TULP4: variants seen among roughly 807,000 people sequenced by gnomAD.
TULP4 encodes the protein tubby-related protein 4.
A neutral mutation model predicts 129.0 loss-of-function variants in TULP4; 16 were observed. The ratio of observed to expected loss-of-function variants is 0.12; its 90% CI spans 0.08 to 0.19. TULP4 has a LOEUF of 0.19. TULP4 is among the 10% of genes least tolerant of loss of function. The probability of loss-of-function intolerance (pLI) is 1.00; values close to 1 mark genes in which losing one functional copy is unlikely to be tolerated. For synonymous variants in TULP4, 998 were observed against 854.0 expected, an observed-to-expected ratio of 1.17 and a Z score of -2.94; for missense variants, 1,842 against 2,059.1, an observed-to-expected ratio of 0.89 and a Z score of 2.04.
At chr6:158,367,839 C>A (rs544228002) in intron 1 of TULP4, among the ~76,000 whole-genome samples, 1 of 151,636 alleles carries the variant, frequency 6.6e-6, no homozygotes, top group East Asian at 1.9e-4. Context: ...TCTGGGTTTT[C>A]CATCCAAATA....
At chr6:158,347,472 T>C (rs967039732) in intron 1 of TULP4, among the ~76,000 whole-genome samples, 6 of 152,226 alleles carry the variant, frequency 3.9e-5, no homozygotes, top group African/African-American at 1.4e-4. Context: ...ACTTTTCTTT[T>C]AGTCCACATA....
chr6:158,372,211 AAAACAAAAAC>A (rs1777089480), intron 1 of TULP4, among the ~76,000 whole-genome samples: 1 of 134,836 alleles, frequency 7.4e-6, no homozygotes, highest in African/African-American at 2.8e-5. Context: ...GACTTCAAAA[AAAACAAAAAC>A]AGTAGGAATT....
At chr6:158,463,580 G>T (rs1300757451) in intron 6 of TULP4, among the ~76,000 whole-genome samples, 1 of 150,688 alleles carries the variant, frequency 6.6e-6, no homozygotes, top group African/African-American at 2.4e-5. Context: ...CGCCAACGTG[G>T]CACATGTATA....
At chr6:158,234,876 TATC>T (rs1777659354) in intron 1 of TULP4, among the ~76,000 whole-genome samples, 1 of 152,224 alleles carries the variant, frequency 6.6e-6, no homozygotes, top group Non-Finnish European at 1.5e-5. Flanking sequence ...CCATAAAATT[TATC>T]ATCCTGGCTG....
intron 1 of TULP4, among the ~76,000 whole-genome samples, chr6:158,241,098 C>T (rs1371111614): frequency 7.2e-6 from 1 of 139,852 alleles, no homozygotes; most frequent in African/African-American, 2.5e-5. Flanking sequence ...GCGCTCCTCA[C>T]GTCCCAGAGG....
intron 1 of TULP4, among the ~76,000 whole-genome samples, chr6:158,383,442 A>AT (rs1196840991): frequency 1.3e-5 from 2 of 152,252 alleles, no homozygotes; most frequent in South Asian, 2.1e-4. Flanking sequence ...AGTGTCACCC[A>AT]TTTTTTAGCT....
chr6:158,260,623 G>T (rs1205981241), intron 1 of TULP4, among the ~76,000 whole-genome samples: 2 of 151,532 alleles, frequency 1.3e-5, no homozygotes, highest in Admixed American at 1.3e-4. Context: ...TCTGCATAAG[G>T]ATGACAGTTG....
At chr6:158,365,767 G>C (rs1163786966) in intron 1 of TULP4, among the ~76,000 whole-genome samples, 1 of 151,628 alleles carries the variant, frequency 6.6e-6, no homozygotes, top group Non-Finnish European at 1.5e-5. Context: ...TACCGCGCCC[G>C]GCCTGGAAGT....
intron 1 of TULP4, among the ~76,000 whole-genome samples, chr6:158,300,233 C>A (rs1169814178): frequency 6.6e-6 from 1 of 152,118 alleles, no homozygotes. Flanking sequence ...ACAAGCATAC[C>A]CTCTTCCCCA....
chr6:158,399,345 A>G (rs995156149), intron 1 of TULP4, among the ~76,000 whole-genome samples: 2 of 152,248 alleles, frequency 1.3e-5, no homozygotes, highest in South Asian at 2.1e-4. Context: ...AGCATTTTAC[A>G]TGATGTTACA....
At chr6:158,367,950 C>T (rs960428358) in intron 1 of TULP4, among the ~76,000 whole-genome samples, 4 of 146,798 alleles carry the variant, frequency 2.7e-5, no homozygotes, top group African/African-American at 7.5e-5. Flanking sequence ...CAAATCTGGG[C>T]GTGGTGGGAT....
At chr6:158,345,381 C>T (rs1484226461) in intron 1 of TULP4, among the ~76,000 whole-genome samples, 3 of 152,206 alleles carry the variant, frequency 2.0e-5, no homozygotes, top group Admixed American at 1.3e-4. Flanking sequence ...ATCCTCCTTC[C>T]TCAGACTACT....
intron 1 of TULP4, among the ~76,000 whole-genome samples, chr6:158,336,285 C>T (rs118016638): frequency 6.6e-6 from 1 of 152,276 alleles, no homozygotes; most frequent in East Asian, 1.9e-4. Flanking sequence ...TTTTGGTCAC[C>T]TTCAAATTGT....
In TULP4 at chr6:158,254,315, G is replaced by C. The variant is rs59712873; in HGVS notation, n.68+22012G>C. Among the ~76,000 whole-genome samples the C allele has an allele frequency of 5.5e-3, 807 of 145,724 alleles. 8 individuals carry two copies. The highest frequency in any genetic ancestry group is 0.018 in the African/African-American group (755 of 41,092). The stretch of plus-strand genomic sequence containing the variant: ...GCGCCACCATGCCTGGCTAATTTTT[G>C]TATTTTTAGTAGAGATGGGGTTTTG... On this transcript the variant is annotated intron_variant and non_coding_transcript_variant, in intron 1 of 1. Transcript: ENST00000620026.
At chr6:158,433,860 G>C (rs1484214584) in intron 3 of TULP4, among the ~76,000 whole-genome samples, 1 of 152,232 alleles carries the variant, frequency 6.6e-6, no homozygotes, top group East Asian at 1.9e-4. Flanking sequence ...TTTAGTGGGT[G>C]AGGACTCTGT....
At chr6:158,250,357 C>T (rs1778117481) in intron 1 of TULP4, among the ~76,000 whole-genome samples, 1 of 151,616 alleles carries the variant, frequency 6.6e-6, no homozygotes. Flanking sequence ...TGGATTTCAC[C>T]ATGTTGGCCA....
intron 1 of TULP4, among the ~76,000 whole-genome samples, chr6:158,400,219 T>G (rs1181724604): frequency 2.6e-5 from 4 of 152,248 alleles, no homozygotes; most frequent in African/African-American, 9.6e-5. Flanking sequence ...AAGGTATTTT[T>G]ATACATTGGC....
In TULP4 at chr6:158,423,986, C is replaced by T. The variant is rs1778415126; in HGVS notation, c.382-5750C>T. Among the ~76,000 whole-genome samples the T allele has an allele frequency of 2.6e-5, 4 of 151,678 alleles. No homozygotes were observed. In the South Asian group the frequency reaches 8.3e-4, roughly 32 times the overall value. ...ACCATTAAAAAAATGAAAAGGCAAG[C>T]CAAAGACTGGAGAAAATATTTGAAG... On this transcript the variant is annotated intron_variant, in intron 2 of 13. Coordinates refer to ENST00000367097, the MANE Select transcript of TULP4 (RefSeq NM_020245.5).
At chr6:158,286,621 T>C (rs920335278) in intron 1 of TULP4, among the ~76,000 whole-genome samples, 2 of 152,240 alleles carry the variant, frequency 1.3e-5, no homozygotes, top group African/African-American at 4.8e-5. Flanking sequence ...ACTTAAACAC[T>C]GTAACTGTGG....
Sources: gnomAD v4.1 joint callset for allele counts (sites outside exome capture counted in the v4.1 genomes callset) on GRCh38, gnomAD v4.1.1 for gene constraint, MANE v1.5 for transcripts, NCBI Gene and HGNC (gene_info 2026-07-23, HGNC 2026-07-21) for gene names.